Variants in WDR72 observed in about 807,000 individuals in gnomAD.
The protein encoded by WDR72 is WD repeat-containing protein 72.
In WDR72, 120 loss-of-function variants were observed where a neutral mutation model predicts 124.2. The observed-to-expected ratio is 0.97, with a 90% CI of 0.83 to 1.12. The LOEUF (loss-of-function observed/expected upper bound fraction) is 1.12. Ranked by LOEUF, WDR72 falls within the 50% of genes most tolerant of loss-of-function variation. WDR72 has a pLI of 0.00. For missense variants in WDR72, 1,387 were observed against 1,278.8 expected (o/e 1.08, Z -1.29); for synonymous variants, 452 against 441.7 (o/e 1.02, Z -0.29).
chr15:53,757,233 A>T (rs2140904726), intron 1 of WDR72, among the ~76,000 whole-genome samples: 1 of 152,262 alleles, frequency 6.6e-6, no homozygotes, highest in Middle Eastern at 3.4e-3. Context: ...CAGCCTAGAG[A>T]AGAACTGAAT....
chr15:53,575,372 T>G (rs1269453473), intron 18 of WDR72, among the ~76,000 whole-genome samples: 1 of 152,184 alleles, frequency 6.6e-6, no homozygotes, highest in South Asian at 2.1e-4. Flanking sequence ...CAATATTATT[T>G]GCTACATGCT....
chr15:53,522,868 C>T (rs945172557), intron 19 of WDR72, among the ~76,000 whole-genome samples: 3 of 151,992 alleles, frequency 2.0e-5, no homozygotes, highest in African/African-American at 7.2e-5. Context: ...CTTCCGCTCC[C>T]CTCTTGTTAG....
chr15:53,593,454 C>T (rs891306394), intron 18 of WDR72, among the ~76,000 whole-genome samples: 2 of 151,802 alleles, frequency 1.3e-5, no homozygotes, highest in Non-Finnish European at 2.9e-5. Context: ...ATTTTGAAAA[C>T]GGGGTAGTAT....
chr15:53,640,997 A>G (rs528140453), intron 14 of WDR72, among the ~76,000 whole-genome samples: 1 of 152,024 alleles, frequency 6.6e-6, no homozygotes, highest in African/African-American at 2.4e-5. Context: ...TAGTAAAAAT[A>G]TTCATTTTTT....
chr15:53,747,496 A>C (rs2018670888), intron 1 of WDR72, among the ~76,000 whole-genome samples: 1 of 152,210 alleles, frequency 6.6e-6, no homozygotes, highest in Non-Finnish European at 1.5e-5. Context: ...AACAGCCCAG[A>C]GATCAAAGGA....
intron 17 of WDR72, among the ~76,000 whole-genome samples, chr15:53,597,814 C>T (rs1448595073): frequency 6.6e-6 from 1 of 152,072 alleles, no homozygotes; most frequent in Non-Finnish European, 1.5e-5. Context: ...GCACGTCTTC[C>T]AATTGCTGTG....
intron 13 of WDR72, among the ~76,000 whole-genome samples, chr15:53,668,835 G>C (rs1440438452): frequency 1.3e-5 from 2 of 149,204 alleles, no homozygotes; most frequent in Admixed American, 1.3e-4. Flanking sequence ...GAGCCAGAAA[G>C]TCGAGGCTGC....
At position 53,596,825 on chromosome 15, in the gene WDR72, CAATACTCTCT is replaced by C. The variant is rs534683070; in HGVS notation, c.3148+244_3148+253del. Among the ~76,000 whole-genome samples the C allele has an allele frequency of 4.6e-5, 7 of 152,238 alleles. No homozygotes were observed. In the South Asian group the frequency reaches 1.5e-3, roughly 32 times the overall value. The stretch of plus-strand genomic sequence containing the variant: ...ATGATATACTGTGAACTTACATTTT[CAATACTCTCT>C]AAGTAGCGATGCTCCTCAAGTTATG... On this transcript the variant is annotated intron_variant, in intron 18 of 19. Coordinates refer to ENST00000360509, the MANE Select transcript of WDR72 (RefSeq NM_182758.4).
intron 14 of WDR72, among the ~76,000 whole-genome samples, chr15:53,641,062 A>G (rs906255462): frequency 6.6e-6 from 1 of 152,018 alleles, no homozygotes; most frequent in African/African-American, 2.4e-5. Flanking sequence ...ATTACTAAAA[A>G]TATTATCAAG....
At chr15:53,739,603 G>A (rs1470699563) in intron 1 of WDR72, among the ~76,000 whole-genome samples, 2 of 152,064 alleles carry the variant, frequency 1.3e-5, no homozygotes, top group Non-Finnish European at 2.9e-5. Flanking sequence ...TACAAGTGAA[G>A]ACTGCAAAGC....
At chr15:53,688,912 A>G (rs1278179706) in intron 13 of WDR72, among the ~76,000 whole-genome samples, 1 of 152,158 alleles carries the variant, frequency 6.6e-6, no homozygotes, top group Non-Finnish European at 1.5e-5. Context: ...ATAACGCCGC[A>G]TATCTACAGC....
intron 14 of WDR72, among the ~76,000 whole-genome samples, chr15:53,623,702 A>G (rs551270118): frequency 1.3e-3 from 200 of 152,148 alleles, no homozygotes; most frequent in Non-Finnish European, 2.4e-3. Context: ...TCTTTTTTAA[A>G]TTCTTTGAGA....
chr15:53,660,506 G>GC (rs1344021337), intron 14 of WDR72, among the ~76,000 whole-genome samples: 2 of 151,834 alleles, frequency 1.3e-5, no homozygotes, highest in African/African-American at 4.8e-5. Context: ...TTTTACAAGA[G>GC]GTATGAGAAT....
intron 1 of WDR72, among the ~76,000 whole-genome samples, chr15:53,739,388 A>C (rs1208841096): frequency 6.6e-6 from 1 of 152,180 alleles, no homozygotes; most frequent in Non-Finnish European, 1.5e-5. Context: ...TAAGGCCCGG[A>C]CAATTACTGC....
chr15:53,558,696 C>A (rs189163661), intron 18 of WDR72, among the ~76,000 whole-genome samples: 1 of 151,818 alleles, frequency 6.6e-6, no homozygotes, highest in African/African-American at 2.4e-5. Context: ...AAGAAAGAAC[C>A]CTGTAATGTA....
intron 1 of WDR72, among the ~76,000 whole-genome samples, chr15:53,736,401 T>C (rs1347784072): frequency 6.6e-6 from 1 of 152,174 alleles, no homozygotes; most frequent in Non-Finnish European, 1.5e-5. Context: ...TACAGGGCTG[T>C]CTGGCACTGG....
In WDR72 at chr15:53,722,856, G is replaced by A. The variant is rs987114935; in HGVS notation, c.206C>T (p.Ala69Val). The A allele has an allele frequency of 6.2e-7, 1 of 1,612,724 alleles. No homozygotes were observed. Residue 69 changes from alanine (A) to valine (V), a missense_variant, in exon 3 of 20, where the codon GCA (alanine) becomes GTA (valine). By Grantham distance (64) the Ala-to-Val change is moderately conservative. Coordinates refer to ENST00000360509, the MANE Select transcript of WDR72 (RefSeq NM_182758.4). The part of the protein sequence containing the change: ...FGHSASVTCL[A>V]RARDFSKQPY... The stretch of plus-strand genomic sequence containing the variant: ...CTGTTTAGAGAAGTCCCTTGCTCTT[G>A]CCAAACATGTTACCGAAGCTGAATG...
chr15:53,657,747 C>T (rs1257022597), intron 14 of WDR72, among the ~76,000 whole-genome samples: 4 of 152,064 alleles, frequency 2.6e-5, no homozygotes, highest in African/African-American at 7.2e-5. Flanking sequence ...GAAGAGAGAA[C>T]ATTTTTTGAA....
At chr15:53,624,206 A>G (rs2014118297) in intron 14 of WDR72, among the ~76,000 whole-genome samples, 1 of 152,244 alleles carries the variant, frequency 6.6e-6, no homozygotes, top group African/African-American at 2.4e-5. Flanking sequence ...ACGGGAAGGT[A>G]GAGAATGAGC....
Sources: allele counts gnomAD v4.1 joint callset (sites outside exome capture counted in the v4.1 genomes callset), GRCh38; gene constraint gnomAD v4.1.1; transcripts MANE v1.5; gene names NCBI Gene and HGNC (gene_info 2026-07-23, HGNC 2026-07-21).